The following PSTPIP2 variants were observed in gnomAD, a reference collection of about 807,000 sequenced individuals.
PSTPIP2 encodes proline-serine-threonine phosphatase interacting protein 2, also known as proline-serine-threonine phosphatase-interacting protein 2.
A neutral mutation model predicts 63.3 loss-of-function variants in PSTPIP2; 33 were observed. That is an observed-to-expected ratio of 0.52 (90% CI 0.40 to 0.70). The LOEUF (loss-of-function observed/expected upper bound fraction) is 0.70. Ranked by LOEUF, PSTPIP2 falls within the 30% of genes least tolerant of loss-of-function variation. The pLI, the probability that PSTPIP2 is intolerant of heterozygous loss-of-function variation, is 0.00. For missense variants in PSTPIP2, 312 were observed against 400.7 expected, an observed-to-expected ratio of 0.78 and a Z score of 1.89; for synonymous variants, 125 against 132.7, an observed-to-expected ratio of 0.94 and a Z score of 0.40.
intron 7 of PSTPIP2, 89 bp downstream of exon 7, chr18:45,999,347 C>T: frequency 4.1e-6 from 5 of 1,229,768 alleles, no homozygotes; most frequent in African/African-American, 1.5e-5. Flanking sequence ...GTTTAGGATA[C>T]AGGTTCATTT....
chr18:46,002,959 G>C (rs970438644), intron 6 of PSTPIP2, among the ~76,000 whole-genome samples: 1 of 152,174 alleles, frequency 6.6e-6, no homozygotes, highest in Non-Finnish European at 1.5e-5. Context: ...ATATTTGATT[G>C]ATTTGGGGGA....
At chr18:46,009,712 C>A (rs1168871903) in intron 5 of PSTPIP2, among the ~76,000 whole-genome samples, 2 of 152,158 alleles carry the variant, frequency 1.3e-5, no homozygotes, top group Non-Finnish European at 2.9e-5. Flanking sequence ...CCAAGGAGGG[C>A]ACTTAAAACA....
intron 7 of PSTPIP2, among the ~76,000 whole-genome samples, chr18:45,999,140 A>G (rs2051637349): frequency 6.6e-6 from 1 of 152,216 alleles, no homozygotes; most frequent in Admixed American, 6.5e-5. Context: ...AGCAAAAGGC[A>G]GCCTGACTAC....
At chr18:46,026,229 G>A (rs1733474821) in intron 2 of PSTPIP2, among the ~76,000 whole-genome samples, 1 of 152,226 alleles carries the variant, frequency 6.6e-6, no homozygotes, top group African/African-American at 2.4e-5. Flanking sequence ...ACCCACAGTG[G>A]ATATAAATAA....
chr18:46,039,818 T>C (rs894472540), intron 2 of PSTPIP2, 129 bp downstream of exon 2: 15 of 771,986 alleles, frequency 1.9e-5, no homozygotes, highest in African/African-American at 1.2e-4. Flanking sequence ...TCAGGTATCA[T>C]TCCATAACCT....
intron 3 of PSTPIP2, among the ~76,000 whole-genome samples, chr18:46,020,276 C>T (rs1907297004): frequency 6.6e-6 from 1 of 152,162 alleles, no homozygotes; most frequent in African/African-American, 2.4e-5. Flanking sequence ...AGCACGTTGG[C>T]CTTAAGCCCT....
intron 6 of PSTPIP2, among the ~76,000 whole-genome samples, chr18:46,003,141 G>T (rs2051685798): frequency 6.6e-6 from 1 of 152,216 alleles, no homozygotes; most frequent in South Asian, 2.1e-4. Flanking sequence ...CACAGAGTGT[G>T]TGTGACCCAG....
chr18:46,025,372 A>C (rs1460775831), intron 2 of PSTPIP2, among the ~76,000 whole-genome samples: 2 of 152,216 alleles, frequency 1.3e-5, no homozygotes, highest in Non-Finnish European at 2.9e-5. Context: ...TAGACAGTCT[A>C]AAACACGCCA....
rs1054562524 is a variant in PSTPIP2 at position 46,032,372 on chromosome 18, G to A, written c.134+7575C>T. Among the ~76,000 whole-genome samples, 106 of 152,228 alleles carry A rather than the reference G, an allele frequency of 7.0e-4. No individual in the cohort carries two copies. In the Middle Eastern group the frequency reaches 0.01, roughly 15 times the overall value. The stretch of plus-strand genomic sequence containing the variant: ...CACTTAGCTGGCTACGCTTCACAAA[G>A]CTCTCCTTAAAAACCCCAACTCCCT... On this transcript the variant is annotated intron_variant, in intron 2 of 14. Transcript: ENST00000409746.
chr18:46,013,412 C>T (rs1184852093), intron 4 of PSTPIP2, among the ~76,000 whole-genome samples: 5 of 152,112 alleles, frequency 3.3e-5, no homozygotes, highest in Non-Finnish European at 7.4e-5. Context: ...GTGTTAAAAT[C>T]CTTAGCTTGG....
intron 3 of PSTPIP2, among the ~76,000 whole-genome samples, chr18:46,018,147 G>GT (rs1408550335): frequency 3.3e-5 from 5 of 151,852 alleles, no homozygotes; most frequent in Non-Finnish European, 7.4e-5. Context: ...ATACATACTT[G>GT]TTTTTTAGAT....
chr18:46,059,616 A>G (rs1908917420), intron 1 of PSTPIP2, among the ~76,000 whole-genome samples: 3 of 152,234 alleles, frequency 2.0e-5, no homozygotes, highest in Admixed American at 1.3e-4. Context: ...ATTAAAAAAA[A>G]GAAAATAATA....
At chr18:46,040,775 T>C (rs533597898) in intron 1 of PSTPIP2, among the ~76,000 whole-genome samples, 1 of 152,120 alleles carries the variant, frequency 6.6e-6, no homozygotes, top group Non-Finnish European at 1.5e-5. Flanking sequence ...AGTTTTTTAA[T>C]TGATGAGACT....
intron 1 of PSTPIP2, among the ~76,000 whole-genome samples, chr18:46,070,951 G>A (rs1386699388): frequency 6.6e-6 from 1 of 152,042 alleles, no homozygotes; most frequent in African/African-American, 2.4e-5. Flanking sequence ...TTTTCCCACA[G>A]TGCCTGCCAT....
intron 5 of PSTPIP2, among the ~76,000 whole-genome samples, chr18:46,009,689 A>T (rs922987906): frequency 4.6e-5 from 7 of 152,220 alleles, no homozygotes; most frequent in Non-Finnish European, 8.8e-5. Context: ...TCTCCCTGAA[A>T]GGACTAGGGC....
chr18:46,030,168 A>T (rs1373860621), intron 2 of PSTPIP2, among the ~76,000 whole-genome samples: 1 of 152,248 alleles, frequency 6.6e-6, no homozygotes, highest in Non-Finnish European at 1.5e-5. Context: ...CAAGGCCCTG[A>T]TTATAGGTTG....
At chr18:46,059,894 G>C (rs2144130868) in intron 1 of PSTPIP2, among the ~76,000 whole-genome samples, 1 of 152,262 alleles carries the variant, frequency 6.6e-6, no homozygotes, top group Non-Finnish European at 1.5e-5. Context: ...ACCCGGGCGT[G>C]GTGGCACATG....
intron 2 of PSTPIP2, among the ~76,000 whole-genome samples, chr18:46,033,048 G>T (rs556435455): frequency 2.6e-5 from 4 of 152,334 alleles, no homozygotes; most frequent in African/African-American, 9.6e-5. Context: ...TTAGATCCAA[G>T]GGGCTCTCAC....
Position 46,012,471 on chromosome 18 carries a change from C to A in PSTPIP2, c.248-1184G>T, listed in dbSNP as rs76357855. ...TCATTCACGTCTATATGCATATGTG[C>A]ATCTACAATTAAAAAAGAGTTGGCC... On this transcript the variant is annotated intron_variant, in intron 4 of 14. Coordinates refer to ENST00000409746, the MANE Select transcript of PSTPIP2 (RefSeq NM_024430.4). 2.1e-3 allele frequency among the ~76,000 whole-genome samples: 327 copies of A among 152,242 alleles called. 3 individuals are homozygous for A. Among genetic ancestry groups the A allele is most frequent in the Middle Eastern group, 0.01 (3 of 294 alleles).
Sources: gnomAD v4.1 joint callset for allele counts (sites outside exome capture counted in the v4.1 genomes callset) on GRCh38, gnomAD v4.1.1 for gene constraint, MANE v1.5 for transcripts, NCBI Gene and HGNC (gene_info 2026-07-23, HGNC 2026-07-21) for gene names.